The following RASAL2 variants were observed in gnomAD, a reference collection of about 807,000 sequenced individuals.
RASAL2 encodes the protein RAS protein activator like 2.
RASAL2 carries 58 observed loss-of-function variants against 128.9 expected under a neutral mutation model. The ratio of observed to expected loss-of-function variants is 0.45; its 90% CI spans 0.36 to 0.56. The LOEUF is 0.56. RASAL2 is among the 20% of genes least tolerant of loss of function. RASAL2 has a pLI of 0.00. For synonymous variants in RASAL2, 561 were observed against 580.8 expected (o/e 0.97, Z 0.49); for missense variants, 1,360 against 1,601.6 (o/e 0.85, Z 2.57).
intron 4 of RASAL2, among the ~76,000 whole-genome samples, chr1:178,400,993 C>T (rs1269904973): frequency 6.6e-6 from 1 of 152,198 alleles, no homozygotes; most frequent in East Asian, 1.9e-4. Context: ...TCAGGTGATC[C>T]ACCTACCTTG....
rs1277090907 is a variant in RASAL2 at position 178,442,862 on chromosome 1, T to A, written c.1115T>A (p.Leu372His). The A allele has an allele frequency of 1.9e-6, 3 of 1,613,890 alleles. No homozygotes were observed. Among genetic ancestry groups the A allele is most frequent in the Non-Finnish European group, 2.5e-6 (3 of 1,179,928 alleles). The change falls in exon 8 of 18, where the codon CTT becomes CAT. Residue 372 changes from leucine (L) to histidine (H), a missense_variant. This residue lies in a region of RASAL2 where 617 missense variants were observed against 714.2 expected (regional missense o/e 0.86). Coordinates refer to ENST00000367649, the MANE Select transcript of RASAL2 (RefSeq NM_170692.4). ...EHFEFFSLPP[L>H]HSITVHIYKD... ...TTTGAATTCTTCAGCCTTCCACCTC[T>A]TCATAGTATCACAGTTCACATTTAC...
At chr1:178,284,617 A>T (rs1278544180) in intron 2 of RASAL2, among the ~76,000 whole-genome samples, 2 of 152,352 alleles carry the variant, frequency 1.3e-5, no homozygotes, top group Non-Finnish European at 2.9e-5. Context: ...ACAGTTTACA[A>T]ATCCTTCCAC....
intron 1 of RASAL2, among the ~76,000 whole-genome samples, chr1:178,180,584 T>A (rs1422484541): frequency 6.7e-6 from 1 of 149,648 alleles, no homozygotes; most frequent in Non-Finnish European, 1.5e-5. Context: ...AGAGAATCGC[T>A]TGAGCCTGGA....
intron 1 of RASAL2, among the ~76,000 whole-genome samples, chr1:178,279,087 A>G (rs909505116): frequency 1.4e-4 from 22 of 152,326 alleles, no homozygotes; most frequent in African/African-American, 5.1e-4. Context: ...TAGTATTTTG[A>G]ATGCTGTTTT....
intron 1 of RASAL2, among the ~76,000 whole-genome samples, chr1:178,228,060 A>G (rs1166731785): frequency 6.6e-6 from 1 of 152,200 alleles, no homozygotes; most frequent in Non-Finnish European, 1.5e-5. Context: ...CGTGAGTGAT[A>G]TTAGGCTTTC....
At chr1:178,370,687 A>G (rs1671655091) in intron 3 of RASAL2, among the ~76,000 whole-genome samples, 1 of 152,174 alleles carries the variant, frequency 6.6e-6, no homozygotes, top group African/African-American at 2.4e-5. Context: ...TTCTAGAGCT[A>G]CCATCTAAAA....
chr1:178,265,198 G>C (rs1331107246), intron 1 of RASAL2, among the ~76,000 whole-genome samples: 1 of 152,140 alleles, frequency 6.6e-6, no homozygotes, highest in African/African-American at 2.4e-5. Flanking sequence ...ATTTGGCCTT[G>C]TTCAAATGTT....
rs369397594 is a variant in RASAL2 at position 178,283,559 on chromosome 1, T to C, written c.203-5T>C. 92 of 1,607,838 alleles carry C rather than the reference T, an allele frequency of 5.7e-5. No homozygotes were observed. In the East Asian group the frequency reaches 1.6e-3, roughly 28 times the overall value. On this transcript the variant is annotated splice_region_variant and splice_polypyrimidine_tract_variant and intron_variant, in intron 1 of 17. Coordinates refer to ENST00000367649, the MANE Select transcript of RASAL2 (RefSeq NM_170692.4). ...TCACTTTTGTTTTTCCCTTTTCTCA[T>C]GCAGATGTGAAAGGACCACCCACCC...
intron 1 of RASAL2, among the ~76,000 whole-genome samples, chr1:178,143,854 A>G (rs903765441): frequency 6.6e-6 from 1 of 152,100 alleles, no homozygotes; most frequent in Non-Finnish European, 1.5e-5. Context: ...GAGGCAGTCA[A>G]GTATCTAAAG....
chr1:178,201,455 T>C (rs1248363414), intron 1 of RASAL2, among the ~76,000 whole-genome samples: 2 of 152,332 alleles, frequency 1.3e-5, no homozygotes, highest in East Asian at 3.9e-4. Context: ...CCAGAAGCTA[T>C]ACCCTTAGCG....
chr1:178,176,007 C>T (rs549192295), intron 1 of RASAL2, among the ~76,000 whole-genome samples: 1 of 152,248 alleles, frequency 6.6e-6, no homozygotes, highest in African/African-American at 2.4e-5. Flanking sequence ...AATTATACAA[C>T]AATAAACATA....
chr1:178,296,099 ATGTGTATATATG>A lies in RASAL2; in HGVS notation c.331-3881_331-3870del, dbSNP rs1287316332. ...TGTGTATATATGTGTGTGTATATAT[ATGTGTATATATG>A]TGTGTATATATATGTGTATATATAT... is the stretch of plus-strand genomic sequence containing the variant. On this transcript the variant is annotated intron_variant, in intron 2 of 17. Coordinates refer to ENST00000367649, the MANE Select transcript of RASAL2 (RefSeq NM_170692.4). Among the ~76,000 whole-genome samples the A allele has an allele frequency of 1.7e-4, 25 of 148,740 alleles. No homozygotes were observed. The East Asian group carries it at 3.1e-3, about 19-fold the overall frequency.
chr1:178,119,721 A>G (rs766515621), intron 1 of RASAL2, among the ~76,000 whole-genome samples: 3 of 152,244 alleles, frequency 2.0e-5, no homozygotes, highest in Non-Finnish European at 4.4e-5. Flanking sequence ...AATATATCAC[A>G]CAAAAACAAG....
chr1:178,262,376 A>G (rs1321885312), intron 1 of RASAL2, among the ~76,000 whole-genome samples: 1 of 152,242 alleles, frequency 6.6e-6, no homozygotes, highest in Non-Finnish European at 1.5e-5. Flanking sequence ...TTGTGGACCT[A>G]CAGAGGAGTT....
At chr1:178,396,344 A>G (rs1673226926) in intron 4 of RASAL2, among the ~76,000 whole-genome samples, 1 of 152,080 alleles carries the variant, frequency 6.6e-6, no homozygotes, top group Non-Finnish European at 1.5e-5. Flanking sequence ...CAAAGCAAAG[A>G]TATTTCTCCT....
intron 1 of RASAL2, among the ~76,000 whole-genome samples, chr1:178,250,652 G>A (rs752626956): frequency 4.6e-5 from 7 of 152,144 alleles, no homozygotes; most frequent in Non-Finnish European, 8.8e-5. Flanking sequence ...TTCTGCGTTG[G>A]TCTCGCTGGG....
At chr1:178,411,985 G>T (rs1674422273) in intron 4 of RASAL2, 4 of 559,476 alleles carry the variant, frequency 7.1e-6, no homozygotes. Flanking sequence ...GCACCCACAG[G>T]AAGTGGGGTC....
chr1:178,118,763 C>G (rs1659608223), intron 1 of RASAL2, among the ~76,000 whole-genome samples: 1 of 152,180 alleles, frequency 6.6e-6, no homozygotes, highest in African/African-American at 2.4e-5. Flanking sequence ...AATGCAGCCA[C>G]TTTATCTGCT....
At chr1:178,301,427 T>C (rs1224774510) in intron 3 of RASAL2, among the ~76,000 whole-genome samples, 2 of 152,106 alleles carry the variant, frequency 1.3e-5, no homozygotes, top group South Asian at 2.1e-4. Flanking sequence ...ATATGTTGAC[T>C]GTTGTCTCTC....
Sources: gnomAD v4.1 joint callset for allele counts (sites outside exome capture counted in the v4.1 genomes callset) on GRCh38, gnomAD v4.1.1 for gene constraint, gnomAD v4.1.1 regional missense constraint, MANE v1.5 for transcripts, NCBI Gene and HGNC (gene_info 2026-07-23, HGNC 2026-07-21) for gene names.